The following FSTL5 variants were observed in gnomAD, a reference collection of about 807,000 sequenced individuals.
The protein encoded by FSTL5 is follistatin like 5, also known as follistatin-related protein 5.
A neutral mutation model predicts 89.1 loss-of-function variants in FSTL5; 62 were observed. That is an observed-to-expected ratio of 0.70 (90% confidence interval 0.57 to 0.86). FSTL5 has a LOEUF of 0.86. FSTL5 is among the 40% of genes least tolerant of loss of function. FSTL5 has a pLI of 0.00. For missense variants in FSTL5, 1,057 were observed against 1,001.6 expected, an observed-to-expected ratio of 1.06 and a Z score of -0.75; for synonymous variants, 383 against 346.2, an observed-to-expected ratio of 1.11 and a Z score of -1.18.
chr4:162,068,057 C>G (rs984242058), intron 2 of FSTL5, among the ~76,000 whole-genome samples: 2 of 151,994 alleles, frequency 1.3e-5, no homozygotes, highest in African/African-American at 2.4e-5. Flanking sequence ...AAAAATGACA[C>G]AAACAAATGG....
intron 4 of FSTL5, among the ~76,000 whole-genome samples, chr4:161,778,326 T>C (rs1741495200): frequency 6.6e-6 from 1 of 152,244 alleles, no homozygotes; most frequent in African/African-American, 2.4e-5. Context: ...ATAGGTTTTA[T>C]GTTAGTTGAG....
chr4:162,132,399 G>C (rs562841118), intron 1 of FSTL5, among the ~76,000 whole-genome samples: 1 of 152,214 alleles, frequency 6.6e-6, no homozygotes, highest in South Asian at 2.1e-4. Context: ...CACCGCGAAG[G>C]TCTGCAGCTT....
At chr4:161,526,202 T>A (rs1158097023) in intron 10 of FSTL5, among the ~76,000 whole-genome samples, 1 of 152,184 alleles carries the variant, frequency 6.6e-6, no homozygotes, top group Non-Finnish European at 1.5e-5. Context: ...TGATAATGGT[T>A]GAACTATGTA....
At chr4:161,809,675 C>T (rs974116382) in intron 4 of FSTL5, among the ~76,000 whole-genome samples, 1 of 152,264 alleles carries the variant, frequency 6.6e-6, no homozygotes. Context: ...TTCTGACATA[C>T]GCTACAGCGT....
chr4:161,389,132 A>G (rs1331849943), intron 15 of FSTL5, among the ~76,000 whole-genome samples: 1 of 152,056 alleles, frequency 6.6e-6, no homozygotes, highest in Non-Finnish European at 1.5e-5. Context: ...ACAGATTGAT[A>G]TTCAGAAGTC....
At chr4:161,810,383 T>C (rs757440037) in intron 4 of FSTL5, among the ~76,000 whole-genome samples, 2 of 152,046 alleles carry the variant, frequency 1.3e-5, no homozygotes, top group Non-Finnish European at 2.9e-5. Context: ...ACTAACATAA[T>C]TAGAGAATGC....
rs1579044070 is a variant in FSTL5 at position 161,716,898 on chromosome 4, A to G, written c.727+42513T>C. Among the ~76,000 whole-genome samples, 3 of 151,704 alleles carry G rather than the reference A, an allele frequency of 2.0e-5. 1 individual carries two copies. In the South Asian group the frequency reaches 6.2e-4, roughly 31 times the overall value. ...ACGTTAATTTTATCCAGGTCAGGGC[A>G]GAGAGGATAGAGAGAAGTGGTTAGG... On this transcript the variant is annotated intron_variant, in intron 6 of 15. Transcript: ENST00000306100.
intron 13 of FSTL5, 53 bp from the exon 14 acceptor site, chr4:161,459,372 A>C: frequency 1.8e-6 from 2 of 1,096,186 alleles, no homozygotes; most frequent in Non-Finnish European, 2.7e-6. Context: ...ATTAGTTTAA[A>C]GCTAGGCCAG....
intron 8 of FSTL5, among the ~76,000 whole-genome samples, chr4:161,584,726 G>C (rs1733548074): frequency 6.6e-6 from 1 of 152,132 alleles, no homozygotes; most frequent in African/African-American, 2.4e-5. Context: ...TTGCACACAA[G>C]TACTGAAATC....
chr4:161,601,329 G>GAAAAAAAAAAAAAAAAAAA (rs35261391), intron 7 of FSTL5, among the ~76,000 whole-genome samples: 1 of 107,566 alleles, frequency 9.3e-6, no homozygotes, highest in African/African-American at 3.6e-5. Context: ...TAAATAGTTG[G>GAAAAAAAAAAAAAAAAAAA]AAAAAAAAAA....
intron 7 of FSTL5, among the ~76,000 whole-genome samples, chr4:161,637,515 GT>G (rs1735767282): frequency 6.6e-6 from 1 of 151,804 alleles, no homozygotes; most frequent in Admixed American, 6.6e-5. Flanking sequence ...TGCTTTTGGT[GT>G]TTTGGACATG....
At chr4:161,641,276 G>T (rs760034608) in intron 7 of FSTL5, among the ~76,000 whole-genome samples, 3 of 152,102 alleles carry the variant, frequency 2.0e-5, no homozygotes, top group Non-Finnish European at 4.4e-5. Context: ...CATGATAAAA[G>T]CTCAATTATC....
At chr4:161,915,091 T>C (rs766106973) in intron 4 of FSTL5, among the ~76,000 whole-genome samples, 18 of 152,190 alleles carry the variant, frequency 1.2e-4, no homozygotes, top group Admixed American at 4.6e-4. Flanking sequence ...CCTGTCCCAG[T>C]TCAGGTTAAC....
chr4:161,952,087 C>T (rs1265687614), intron 3 of FSTL5, among the ~76,000 whole-genome samples: 1 of 151,744 alleles, frequency 6.6e-6, no homozygotes, highest in South Asian at 2.1e-4. Flanking sequence ...GAAAGCTTTC[C>T]AGAAATATAA....
At chr4:161,561,208 T>TAGAG (rs1732587996) in intron 8 of FSTL5, among the ~76,000 whole-genome samples, 1 of 151,588 alleles carries the variant, frequency 6.6e-6, no homozygotes, top group African/African-American at 2.4e-5. Flanking sequence ...GATAGATAGA[T>TAGAG]AGATAGATAC....
At chr4:161,689,500 G>C (rs1224603774) in intron 6 of FSTL5, among the ~76,000 whole-genome samples, 1 of 151,954 alleles carries the variant, frequency 6.6e-6, no homozygotes. Context: ...TTTGATATGT[G>C]GGATTCATTA....
intron 15 of FSTL5, among the ~76,000 whole-genome samples, chr4:161,431,174 C>T (rs948706185): frequency 2.0e-5 from 3 of 152,020 alleles, no homozygotes; most frequent in Non-Finnish European, 2.9e-5. Context: ...GAGTAATTGT[C>T]GTGTATAAAC....
At chr4:162,008,778 T>A (rs916873415) in intron 3 of FSTL5, among the ~76,000 whole-genome samples, 1 of 151,950 alleles carries the variant, frequency 6.6e-6, no homozygotes, top group African/African-American at 2.4e-5. Context: ...ATATTTACTA[T>A]GAAGGATGAT....
At chr4:161,635,611 A>G (rs1293771452) in intron 7 of FSTL5, among the ~76,000 whole-genome samples, 1 of 152,206 alleles carries the variant, frequency 6.6e-6, no homozygotes, top group Admixed American at 6.5e-5. Flanking sequence ...AGTTGTTTAA[A>G]ACATCCATTC....
Sources: allele counts gnomAD v4.1 joint callset (sites outside exome capture counted in the v4.1 genomes callset), GRCh38; gene constraint gnomAD v4.1.1; transcripts MANE v1.5; gene names NCBI Gene and HGNC (gene_info 2026-07-23, HGNC 2026-07-21).